Variants in KCNN2 observed in about 807,000 individuals in gnomAD.
KCNN2 encodes the protein small conductance calcium-activated potassium channel protein 2.
KCNN2 carries 24 observed loss-of-function variants against 55.5 expected under a neutral mutation model. That is an observed-to-expected ratio of 0.43 (90% CI 0.31 to 0.61). KCNN2 has a LOEUF of 0.61. Ranked by LOEUF, KCNN2 falls within the 20% of genes least tolerant of loss-of-function variation. KCNN2 has a pLI of 0.08. For missense variants in KCNN2, 754 were observed against 853.6 expected (o/e 0.88, Z 1.45); for synonymous variants, 431 against 336.1 (o/e 1.28, Z -3.09).
chr5:114,063,807 A>G (rs1561459843), intron 1 of KCNN2, among the ~76,000 whole-genome samples: 1 of 152,192 alleles, frequency 6.6e-6, no homozygotes, highest in Non-Finnish European at 1.5e-5. Flanking sequence ...TCACCCTAAA[A>G]GGCATACTAA....
intron 1 of KCNN2, among the ~76,000 whole-genome samples, chr5:114,207,023 A>G (rs972974743): frequency 1.3e-5 from 2 of 152,102 alleles, no homozygotes; most frequent in African/African-American, 4.8e-5. Context: ...TATATTTAGA[A>G]CACTCTTTCT....
chr5:114,486,865 G>C, intron 5 of KCNN2, 185 bp from the exon 6 acceptor site: 1 of 1,157,082 alleles, frequency 8.6e-7, no homozygotes, highest in Non-Finnish European at 1.2e-6. Flanking sequence ...TTTAAGTGTT[G>C]TTCCCAGGCA....
chr5:114,142,308 A>G (rs62382862), intron 1 of KCNN2, among the ~76,000 whole-genome samples: 14,613 of 152,068 alleles, frequency 0.096, 732 homozygotes, highest in Middle Eastern at 0.14. Flanking sequence ...TAATTTTTGT[A>G]TAAGGTGTAA....
chr5:114,241,790 A>ATG lies in KCNN2; in HGVS notation c.-185+20226_-185+20227insGT, dbSNP rs1754641649. ...TATATATATACATATATACGTATAT[A>ATG]TATGTATATATATACGTATATATAT... On this transcript the variant is annotated intron_variant, in intron 2 of 10. Coordinates refer to the KCNN2 transcript ENST00000512097. Among the ~76,000 whole-genome samples, 2 of 15,846 alleles carry ATG rather than the reference A, an allele frequency of 1.3e-4. 1 individual carries two copies. Among genetic ancestry groups the ATG allele is most frequent in the African/African-American group, 6.4e-4 (2 of 3,104 alleles). The allele number at this position is 15,846 out of a possible 152,430, so 10.4% of individuals were successfully genotyped here. A position where few individuals can be genotyped will look rare whatever the true frequency, so the allele number is the denominator to read the frequency against.
At chr5:114,493,261 A>C in intron 6 of KCNN2, 142 bp from the exon 7 acceptor site, 1 of 724,114 alleles carries the variant, frequency 1.4e-6, no homozygotes, top group Non-Finnish European at 2.6e-6. Flanking sequence ...CCAGACACAT[A>C]ACCAGTTTGG....
At chr5:114,193,145 C>G (rs1246096027) in intron 1 of KCNN2, among the ~76,000 whole-genome samples, 1 of 152,082 alleles carries the variant, frequency 6.6e-6, no homozygotes, top group Non-Finnish European at 1.5e-5. Context: ...TCTAGCGACC[C>G]TATTTTGGAT....
chr5:114,063,572 C>T (rs1274679472), intron 1 of KCNN2, among the ~76,000 whole-genome samples: 3 of 152,186 alleles, frequency 2.0e-5, no homozygotes, highest in Non-Finnish European at 1.5e-5. Context: ...GAACATACTT[C>T]AGGCAGCACT....
At chr5:114,230,205 G>C (rs941769179) in intron 2 of KCNN2, among the ~76,000 whole-genome samples, 1 of 151,566 alleles carries the variant, frequency 6.6e-6, no homozygotes, top group East Asian at 1.9e-4. Context: ...GATTATAAAG[G>C]ATAAGCAGGA....
intron 2 of KCNN2, among the ~76,000 whole-genome samples, chr5:114,322,327 T>G (rs546221133): frequency 1.3e-5 from 2 of 152,338 alleles, no homozygotes; most frequent in East Asian, 3.9e-4. Context: ...GGCTTGTAAT[T>G]GTTTGTAATG....
In KCNN2 at chr5:114,220,258, A is replaced by G. The variant is rs1005018873; in HGVS notation, c.-270-1222A>G. Among the ~76,000 whole-genome samples the G allele has an allele frequency of 5.9e-5, 9 of 152,304 alleles. No homozygotes were observed. In the East Asian group the frequency reaches 1.5e-3, roughly 26 times the overall value. On this transcript the variant is annotated intron_variant, in intron 1 of 10. Coordinates refer to the KCNN2 transcript ENST00000512097. ...ACTTCTAATTAAAATGGTATTGCCA[A>G]TTGATATATTAATAAACACCTCCTT... is the stretch of plus-strand genomic sequence containing the variant.
chr5:114,317,265 G>T (rs1756518576), intron 2 of KCNN2, among the ~76,000 whole-genome samples: 1 of 151,192 alleles, frequency 6.6e-6, no homozygotes, highest in Non-Finnish European at 1.5e-5. Context: ...GCTTTGTAAT[G>T]TCTCAAGCCT....
chr5:114,268,812 A>T, intron 2 of KCNN2, among the ~76,000 whole-genome samples: 1 of 152,202 alleles, frequency 6.6e-6, no homozygotes, highest in Non-Finnish European at 1.5e-5. Flanking sequence ...TTAGAGCTCA[A>T]GGTGAGAACT....
In KCNN2 at chr5:114,134,458, G is replaced by GATTGATTGATTTATTT. The variant is rs1452509272; in HGVS notation, c.-271+77961_-271+77962insGATTGATTTATTTATT. On this transcript the variant is annotated intron_variant, in intron 1 of 10. Transcript: ENST00000512097. ...TACTTTAACTTTGCAATCCAACCAT[G>GATTGATTGATTTATTT]ATTTATTTATTTATTTATTTATTTA... Among the ~76,000 whole-genome samples, 40 of 137,404 alleles carry GATTGATTGATTTATTT rather than the reference G, an allele frequency of 2.9e-4. 1 individual carries two copies. The highest frequency in any genetic ancestry group is 1.1e-3 in the East Asian group (5 of 4,598). 90.1% of individuals were successfully genotyped at this position (137,404 alleles called of 152,430 possible). A position where few individuals can be genotyped will look rare whatever the true frequency, so the allele number is the denominator to read the frequency against.
intron 1 of KCNN2, among the ~76,000 whole-genome samples, chr5:114,141,392 T>C (rs77444318): frequency 6.6e-6 from 1 of 152,252 alleles, no homozygotes; most frequent in East Asian, 1.9e-4. Flanking sequence ...TGTTTTTTTT[T>C]GTCCTTGTGA....
At chr5:114,220,412 A>G (rs936786000) in intron 1 of KCNN2, among the ~76,000 whole-genome samples, 2 of 152,154 alleles carry the variant, frequency 1.3e-5, no homozygotes, top group Admixed American at 6.5e-5. Context: ...TTAAAGCCAA[A>G]TTTTATGAAA....
At chr5:114,403,782 C>G (rs1004734022) in intron 2 of KCNN2, among the ~76,000 whole-genome samples, 3 of 151,860 alleles carry the variant, frequency 2.0e-5, no homozygotes, top group African/African-American at 7.3e-5. Context: ...ATGACAGAAA[C>G]AGGAGGAAAA....
At chr5:114,056,012 C>A (rs1003855671), upstream of KCNN2, 4 of 215,516 alleles carry the variant, frequency 1.9e-5, no homozygotes, top group Admixed American at 1.8e-4. Context: ...AGCATTCGGG[C>A]CCCCGCCTGC....
At chr5:114,162,843 G>T (rs917372979) in intron 1 of KCNN2, among the ~76,000 whole-genome samples, 1 of 152,070 alleles carries the variant, frequency 6.6e-6, no homozygotes, top group Non-Finnish European at 1.5e-5. Flanking sequence ...TTGTTAAGTC[G>T]GTTGGAAAAG....
At chr5:114,124,495 T>G (rs1471210922) in intron 1 of KCNN2, among the ~76,000 whole-genome samples, 3 of 152,136 alleles carry the variant, frequency 2.0e-5, no homozygotes, top group African/African-American at 7.2e-5. Context: ...CTGTGGGTGG[T>G]GAAGTAAGGG....
Sources: gnomAD v4.1 joint callset for allele counts (sites outside exome capture counted in the v4.1 genomes callset) on GRCh38, gnomAD v4.1.1 for gene constraint, MANE v1.5 for transcripts, NCBI Gene and HGNC (gene_info 2026-07-23, HGNC 2026-07-21) for gene names.